ADCY5: variants seen among roughly 807,000 people sequenced by gnomAD.
The protein encoded by ADCY5 is adenylate cyclase type 5.
In ADCY5, 30 loss-of-function variants were observed where a neutral mutation model predicts 119.7. The ratio of observed to expected loss-of-function variants is 0.25; its 90% CI spans 0.19 to 0.34. The LOEUF (loss-of-function observed/expected upper bound fraction) is 0.34, where lower values mean the gene tolerates loss of function less well. Ranked by LOEUF, ADCY5 falls within the 10% of genes least tolerant of loss-of-function variation. The pLI is 1.00. For missense variants in ADCY5, 1,324 were observed against 1,775.2 expected (o/e 0.75, Z 4.57); for synonymous variants, 753 against 762.2 (o/e 0.99, Z 0.20).
chr3:123,359,116 C>T (rs1457186135), intron 1 of ADCY5, among the ~76,000 whole-genome samples: 4 of 121,618 alleles, frequency 3.3e-5, no homozygotes, highest in Non-Finnish European at 5.9e-5. Flanking sequence ...CTCTTTTATG[C>T]GGTTCCTGTT....
At position 123,303,124 on chromosome 3, in the gene ADCY5, G is replaced by T; in HGVS notation, c.2655C>A (p.Ala885=). Residue 885 remains alanine (A), a synonymous_variant, in exon 14 of 21, where the codon GCC becomes GCA. Transcript: ENST00000462833. The part of the protein sequence containing the change: ...QVNACHVAES[A]VNYSLGDEQG... ...GCTCATCGCCCAGGCTGTAGTTGAC[G>T]GCCGACTCCGCCACGTGACACGCGT... 6.2e-7 allele frequency: 1 copy of T among 1,613,856 alleles called. No homozygotes were observed. The highest frequency in any genetic ancestry group is 8.5e-7 in the Non-Finnish European group (1 of 1,180,026).
rs1283063515 is a variant in ADCY5 at position 123,396,041 on chromosome 3, G to T, written c.1135-43460C>A. Among the ~76,000 whole-genome samples, 10 of 98,606 alleles carry T rather than the reference G, an allele frequency of 1.0e-4. No individual in the cohort carries two copies. In the East Asian group the frequency reaches 3.5e-3, roughly 35 times the overall value. The allele number at this position is 98,606 out of a possible 152,430, so 64.7% of individuals were successfully genotyped here. On this transcript the variant is annotated intron_variant, in intron 1 of 20. Transcript: ENST00000462833. Reference sequence around the variant, plus strand: ...GAGAGGGAGGGAGGGAGAGAGGGAGGGAGGGAGAGAGGGAGGGAGGGTGGG... The same window carrying T: ...GAGAGGGAGGGAGGGAGAGAGGGAGTGAGGGAGAGAGGGAGGGAGGGTGGG...
chr3:123,358,195 T>TGTGTGTGTGA lies in ADCY5; in HGVS notation c.1135-5615_1135-5614insTCACACACAC, dbSNP rs58986112. Among the ~76,000 whole-genome samples, 950 of 149,186 alleles carry TGTGTGTGTGA rather than the reference T, an allele frequency of 6.4e-3. 13 individuals are homozygous for TGTGTGTGTGA. The highest frequency in any genetic ancestry group is 0.03 in the East Asian group (150 of 4,966). The stretch of plus-strand genomic sequence containing the variant: ...GTGTGTGTGTGTGTGTGTGTGTGTG[T>TGTGTGTGTGA]AGGGAGTTGGTGGTATGGCGGAGCA... On this transcript the variant is annotated intron_variant, in intron 1 of 20. Coordinates refer to ENST00000462833, the MANE Select transcript of ADCY5 (RefSeq NM_183357.3).
chr3:123,447,936 ACAG>A lies in ADCY5; in HGVS notation c.607_609del (p.Leu203del). The A allele has an allele frequency of 6.3e-7, 1 of 1,590,990 alleles. No individual in the cohort carries two copies. Among genetic ancestry groups the A allele is most frequent in the Non-Finnish European group, 8.6e-7 (1 of 1,167,534 alleles). On this transcript the variant is annotated inframe_deletion, in exon 1 of 21. Transcript: ENST00000462833. ...AACGCCAGGCAGCAGGCGCCCAGGG[ACAG>A]CACCGCGCCGGGCCCCGCGCCCGAG... is the stretch of plus-strand genomic sequence containing the variant.
chr3:123,439,536 C>T (rs1945686506), intron 1 of ADCY5, among the ~76,000 whole-genome samples: 1 of 152,288 alleles, frequency 6.6e-6, no homozygotes, highest in Non-Finnish European at 1.5e-5. Flanking sequence ...TAATCTCTTA[C>T]TATGACTAAT....
intron 3 of ADCY5, among the ~76,000 whole-genome samples, chr3:123,342,442 A>C (rs1942338468): frequency 6.6e-6 from 1 of 152,048 alleles, no homozygotes; most frequent in South Asian, 2.1e-4. Context: ...CCCACCCCTG[A>C]TGTGTGGGGA....
Position 123,311,613 on chromosome 3 carries a change from A to G in ADCY5, c.2442+2622T>C, listed in dbSNP as rs1940584801. 3.9e-5 allele frequency among the ~76,000 whole-genome samples: 6 copies of G among 152,350 alleles called. No homozygotes were observed. The South Asian group carries it at 1.2e-3, about 32-fold the overall frequency. ...ACCCTGAGAAGAGGCTAATCAGGCC[A>G]GGAGAGGAGGCGGCGGCAGGGATGG... On this transcript the variant is annotated intron_variant, in intron 12 of 20. Transcript: ENST00000462833.
chr3:123,302,994 G>A, intron 14 of ADCY5, 61 bp downstream of exon 14: 1 of 1,579,536 alleles, frequency 6.3e-7, no homozygotes, highest in Non-Finnish European at 8.6e-7. Context: ...CAGCTGCAGT[G>A]ACAGTGGGGG....
chr3:123,351,096 C>T (rs1942819996), intron 2 of ADCY5, among the ~76,000 whole-genome samples: 1 of 152,068 alleles, frequency 6.6e-6, no homozygotes, highest in East Asian at 1.9e-4. Flanking sequence ...ATGGGGAGAG[C>T]CAGGCTGGGG....
intron 1 of ADCY5, among the ~76,000 whole-genome samples, chr3:123,397,506 G>A (rs1944634921): frequency 6.6e-6 from 1 of 152,236 alleles, no homozygotes. Flanking sequence ...GCAAGGTGGT[G>A]TATACCTGTA....
intron 4 of ADCY5, among the ~76,000 whole-genome samples, chr3:123,332,059 T>A (rs1197587779): frequency 1.3e-5 from 2 of 152,242 alleles, no homozygotes; most frequent in African/African-American, 2.4e-5. Context: ...CTCCCGGCCA[T>A]GGAGTGTTAC....
intron 15 of ADCY5, among the ~76,000 whole-genome samples, chr3:123,298,829 A>ATT: frequency 1.7e-4 from 1 of 5,822 alleles, no homozygotes; most frequent in Non-Finnish European, 3.7e-4. Flanking sequence ...CAAAACTGTC[A>ATT]CTTTTTTTTT....
At chr3:123,402,786 G>C (rs1262655650) in intron 1 of ADCY5, among the ~76,000 whole-genome samples, 1 of 150,792 alleles carries the variant, frequency 6.6e-6, no homozygotes, top group East Asian at 2.0e-4. Context: ...CCGGGAGGCG[G>C]AGCTTGCAGT....
intron 1 of ADCY5, among the ~76,000 whole-genome samples, chr3:123,419,761 ACCT>A (rs1186135091): frequency 1.3e-5 from 2 of 150,332 alleles, no homozygotes; most frequent in South Asian, 4.3e-4. Context: ...CTCAAAAGTG[ACCT>A]CCTTCATGAA....
chr3:123,372,197 T>C (rs1943666652), intron 1 of ADCY5, among the ~76,000 whole-genome samples: 1 of 152,020 alleles, frequency 6.6e-6, no homozygotes, highest in African/African-American at 2.4e-5. Context: ...TCGAGGGCCC[T>C]AAACATTGAT....
chr3:123,352,726 G>T lies in ADCY5; in HGVS notation c.1135-145C>A. 1 of 943,738 alleles carries T rather than the reference G, an allele frequency of 1.1e-6. No homozygotes were observed. Among genetic ancestry groups the T allele is most frequent in the Non-Finnish European group, 1.5e-6 (1 of 653,508 alleles). The allele number at this position is 943,738 out of a possible 1,614,324, so 58.5% of individuals were successfully genotyped here. A position where few individuals can be genotyped will look rare whatever the true frequency, so the allele number is the denominator to read the frequency against. ...GGCACCCCACACGCGGCCAACCACTGTGAGCAGCCGAGCATAATCGATCGG... is the reference window on the plus strand; with the variant it reads ...GGCACCCCACACGCGGCCAACCACTTTGAGCAGCCGAGCATAATCGATCGG... On this transcript the variant is annotated intron_variant, in intron 1 of 20. Transcript: ENST00000462833. This position sits in a 1 kb window ranked among gnomAD's most constrained non-coding sequence, Gnocchi z 4.8.
At chr3:123,295,719 G>A (rs1559783159) in intron 17 of ADCY5, among the ~76,000 whole-genome samples, 1 of 151,962 alleles carries the variant, frequency 6.6e-6, no homozygotes, top group Non-Finnish European at 1.5e-5. Flanking sequence ...ATGCCTTGCT[G>A]CCCCCACCAC....
At chr3:123,345,006 G>A (rs938691479) in intron 3 of ADCY5, among the ~76,000 whole-genome samples, 1 of 152,234 alleles carries the variant, frequency 6.6e-6, no homozygotes, top group Non-Finnish European at 1.5e-5. Context: ...ACATCCCAGA[G>A]AGAAATACCC....
chr3:123,296,304 G>A (rs1405230746), intron 16 of ADCY5, 88 bp from the exon 17 acceptor site: 24 of 1,434,012 alleles, frequency 1.7e-5, no homozygotes, highest in Non-Finnish European at 2.2e-5. Context: ...TGCTGGCCCT[G>A]TTTTCTTCCT....
Sources: allele counts gnomAD v4.1 joint callset (sites outside exome capture counted in the v4.1 genomes callset), GRCh38; gene constraint gnomAD v4.1.1; non-coding constraint Gnocchi (gnomAD v3.1); transcripts MANE v1.5; gene names NCBI Gene and HGNC (gene_info 2026-07-23, HGNC 2026-07-21).